Variants in ASH1L observed in about 807,000 individuals in gnomAD.
The protein encoded by ASH1L is ASH1 like histone lysine methyltransferase.
In ASH1L, 23 loss-of-function variants were observed where a neutral mutation model predicts 269.0. That is an observed-to-expected ratio of 0.09 (90% CI 0.06 to 0.12). ASH1L has a LOEUF of 0.12. ASH1L is among the 10% of genes least tolerant of loss of function. The pLI is 1.00. For synonymous variants in ASH1L, 1,187 were observed against 1,253.5 expected (o/e 0.95, Z 1.12); for missense variants, 2,912 against 3,567.8 (o/e 0.82, Z 4.68).
chr1:155,390,871 G>C (rs552744154), intron 7 of ASH1L, among the ~76,000 whole-genome samples: 106 of 151,028 alleles, frequency 7.0e-4, no homozygotes, highest in African/African-American at 2.6e-3. Flanking sequence ...GGATGGTTTC[G>C]ATCTCCTGAC....
intron 1 of ASH1L, among the ~76,000 whole-genome samples, chr1:155,545,248 C>T (rs985838042): frequency 6.2e-5 from 7 of 113,690 alleles, no homozygotes; most frequent in African/African-American, 2.0e-4. Context: ...TTCAAAATAG[C>T]AAGTAATACT....
In ASH1L at chr1:155,562,425, A is replaced by AGCGGCG. The variant is rs757359444; in HGVS notation, c.-378_-373dup. ...AAAGCGAACCCAAAATGGCGGCGGG[A>AGCGGCG]GCGGCGGCGGCGGCGGCGGCAGCAG... On this transcript the variant is annotated 5_prime_UTR_variant, in exon 1 of 28. Coordinates refer to ENST00000392403, the MANE Select transcript of ASH1L (RefSeq NM_018489.3). 2.3e-4 allele frequency: 342 copies of AGCGGCG among 1,476,580 alleles called. 2 individuals are homozygous for AGCGGCG. Among genetic ancestry groups the AGCGGCG allele is most frequent in the South Asian group, 1.4e-3 (119 of 82,926 alleles). 91.5% of individuals were successfully genotyped at this position (1,476,580 alleles called of 1,614,324 possible).
chr1:155,396,295 G>C (rs1393423621), intron 6 of ASH1L: 1 of 152,112 alleles, frequency 6.6e-6, no homozygotes, highest in Non-Finnish European at 1.5e-5. Context: ...CTATATTTTA[G>C]CTTAAAGTTC....
chr1:155,524,056 C>A (rs1669069014), intron 1 of ASH1L, among the ~76,000 whole-genome samples: 2 of 152,200 alleles, frequency 1.3e-5, no homozygotes, highest in South Asian at 4.1e-4. Flanking sequence ...TAACATTTCA[C>A]AATGGCATTC....
chr1:155,543,362 T>A (rs1043442211), intron 1 of ASH1L, among the ~76,000 whole-genome samples: 1 of 151,434 alleles, frequency 6.6e-6, no homozygotes, highest in African/African-American at 2.4e-5. Context: ...AATACAAAAA[T>A]CAGCCAGGCA....
At chr1:155,455,886 C>T (rs1663828443) in intron 4 of ASH1L, among the ~76,000 whole-genome samples, 1 of 152,142 alleles carries the variant, frequency 6.6e-6, no homozygotes, top group African/African-American at 2.4e-5. Flanking sequence ...CCTTCCAAAG[C>T]CAAAACTAAA....
intron 6 of ASH1L, among the ~76,000 whole-genome samples, chr1:155,411,582 A>AT (rs1659775685): frequency 9.3e-4 from 45 of 48,400 alleles, no homozygotes; most frequent in South Asian, 7.2e-3. Flanking sequence ...TAAATAAATA[A>AT]ATAAATATAT....
At position 155,346,088 on chromosome 1, in the gene ASH1L, C is replaced by A. The variant is rs1032169198; in HGVS notation, c.7890+295G>T. ...AGCTCAGGCAATCCATCCGCCTTAG[C>A]CTCCCAGTGTGCTAGGATTACAGGC... is the stretch of plus-strand genomic sequence containing the variant. On this transcript the variant is annotated intron_variant, in intron 21 of 27. Coordinates refer to ENST00000392403, the MANE Select transcript of ASH1L (RefSeq NM_018489.3). The A allele has an allele frequency of 7.0e-6, 8 of 1,135,194 alleles. No homozygotes were observed. In the African/African-American group the frequency reaches 1.3e-4, roughly 18 times the overall value. 70.3% of individuals were successfully genotyped at this position (1,135,194 alleles called of 1,614,324 possible). A position where few individuals can be genotyped will look rare whatever the true frequency, so the allele number is the denominator to read the frequency against.
intron 2 of ASH1L, among the ~76,000 whole-genome samples, chr1:155,507,021 G>A (rs1427519441): frequency 6.6e-6 from 1 of 152,116 alleles, no homozygotes; most frequent in Non-Finnish European, 1.5e-5. Context: ...AGTGGCTCAC[G>A]CCTGTAATCC....
chr1:155,448,980 C>T (rs1663249083), intron 4 of ASH1L, among the ~76,000 whole-genome samples: 1 of 151,942 alleles, frequency 6.6e-6, no homozygotes, highest in Non-Finnish European at 1.5e-5. Flanking sequence ...TGTTGCCAGG[C>T]TGGAGTGCAG....
At chr1:155,349,975 C>T (rs569508355) in intron 17 of ASH1L, among the ~76,000 whole-genome samples, 38 of 151,116 alleles carry the variant, frequency 2.5e-4, no homozygotes, top group African/African-American at 8.8e-4. Context: ...CTGCAAGCTC[C>T]ACCTCCCGGG....
chr1:155,342,540 C>T (rs769365721), intron 24 of ASH1L, among the ~76,000 whole-genome samples: 15 of 152,176 alleles, frequency 9.9e-5, no homozygotes, highest in Non-Finnish European at 1.9e-4. Flanking sequence ...GAATGGAATA[C>T]GTAGTCTTTT....
rs371045158 is a variant in ASH1L, at chr1:155,507,848, G to A, written c.420+13252C>T. ...CATGATCATGCCACTGCACAGCCTT[G>A]GGCAACAGACTGCCTCTTTAGAAGA... is the stretch of plus-strand genomic sequence containing the variant. On this transcript the variant is annotated intron_variant, in intron 2 of 27. Coordinates refer to ENST00000392403, the MANE Select transcript of ASH1L (RefSeq NM_018489.3). Among the ~76,000 whole-genome samples, 5 of 152,230 alleles carry A rather than the reference G, an allele frequency of 3.3e-5. No individual in the cohort carries two copies. In the East Asian group the frequency reaches 9.6e-4, roughly 29 times the overall value.
chr1:155,480,463 A>C lies in ASH1L; in HGVS notation c.2407T>G (p.Ser803Ala). The C allele has an allele frequency of 1.2e-6, 2 of 1,614,090 alleles. No homozygotes were observed. Among genetic ancestry groups the C allele is most frequent in the East Asian group, 4.5e-5 (2 of 44,886 alleles). ...GAGGATAGTTTGTGAGTAGCAAAAG[A>C]CTTATGAGATGGTTTTTCACTATCA... Reference protein sequence around the residue: ...LADSEKPSHKSFATHKLSSSM... With the variant: ...LADSEKPSHKAFATHKLSSSM... Residue 803 changes from serine to alanine, a missense_variant, in exon 3 of 28, where the codon TCT becomes GCT. Coordinates refer to ENST00000392403, the MANE Select transcript of ASH1L (RefSeq NM_018489.3).
At position 155,516,924 on chromosome 1, in the gene ASH1L, T is replaced by G. The variant is rs1437671840; in HGVS notation, c.420+4176A>C. ...GGTGAAAGGCTTGAACACCACAAATTTTATAAAATATTGCTGAAAGAAATT... is the reference window on the plus strand; with the variant it reads ...GGTGAAAGGCTTGAACACCACAAATGTTATAAAATATTGCTGAAAGAAATT... On this transcript the variant is annotated intron_variant, in intron 2 of 27. Transcript: ENST00000392403. 2.0e-5 allele frequency among the ~76,000 whole-genome samples: 3 copies of G among 152,160 alleles called. No individual in the cohort carries two copies. In the East Asian group the frequency reaches 5.8e-4, roughly 29 times the overall value.
At chr1:155,529,056 A>G (rs1362904291) in intron 1 of ASH1L, among the ~76,000 whole-genome samples, 2 of 151,948 alleles carry the variant, frequency 1.3e-5, no homozygotes, top group Non-Finnish European at 2.9e-5. Flanking sequence ...GCTCCATAGC[A>G]TTTCATGATG....
At chr1:155,391,976 A>T (rs1419721157) in intron 7 of ASH1L, among the ~76,000 whole-genome samples, 1 of 152,134 alleles carries the variant, frequency 6.6e-6, no homozygotes, top group African/African-American at 2.4e-5. Context: ...AAATAAAAAT[A>T]AAAAAATAAG....
At chr1:155,439,980 A>C (rs1662417767) in intron 4 of ASH1L, among the ~76,000 whole-genome samples, 1 of 151,646 alleles carries the variant, frequency 6.6e-6, no homozygotes, top group South Asian at 2.1e-4. Flanking sequence ...TTTATCATCA[A>C]CTCTGGCCTA....
rs1661202214 is a variant in ASH1L at position 155,426,898 on chromosome 1, AG to A, written c.5829-10976del. Among the ~76,000 whole-genome samples the A allele has an allele frequency of 2.0e-5, 3 of 152,270 alleles. No homozygotes were observed. In the South Asian group the frequency reaches 6.2e-4, roughly 32 times the overall value. On this transcript the variant is annotated intron_variant, in intron 5 of 27. Coordinates refer to ENST00000392403, the MANE Select transcript of ASH1L (RefSeq NM_018489.3). ...GAGTTGATTTTTTGTATAGAGGATA[AG>A]ACAGAATCCAATTTCCTTCTGATCC...
Sources: allele counts gnomAD v4.1 joint callset (sites outside exome capture counted in the v4.1 genomes callset), GRCh38; gene constraint gnomAD v4.1.1; transcripts MANE v1.5; gene names NCBI Gene and HGNC (gene_info 2026-07-23, HGNC 2026-07-21).